RUNDC3B: variants seen among roughly 807,000 people sequenced by gnomAD.
RUNDC3B encodes RUN domain containing 3B.
Under a neutral mutation model 58.4 loss-of-function variants are expected in RUNDC3B, and 33 were observed. The ratio of observed to expected loss-of-function variants is 0.56; its 90% CI spans 0.43 to 0.75. The LOEUF (loss-of-function observed/expected upper bound fraction) is 0.75, where lower values mean the gene tolerates loss of function less well. Among genes scored for constraint, RUNDC3B ranks in the 30% least tolerant of loss-of-function variants. RUNDC3B has a pLI of 0.00. For synonymous variants in RUNDC3B, 193 were observed against 195.2 expected (o/e 0.99, Z 0.10); for missense variants, 501 against 535.7 (o/e 0.94, Z 0.64).
intron 8 of RUNDC3B, among the ~76,000 whole-genome samples, chr7:87,793,337 T>C (rs1835631216): frequency 6.6e-6 from 1 of 152,086 alleles, no homozygotes; most frequent in South Asian, 2.1e-4. Context: ...TCCAAATTCA[T>C]TCTGTGATAC....
rs1420409013 is a variant in RUNDC3B, at chr7:87,794,211, C to T, written c.957-13162C>T. Among the ~76,000 whole-genome samples, 14 of 152,166 alleles carry T rather than the reference C, an allele frequency of 9.2e-5. No homozygotes were observed. In the South Asian group the frequency reaches 2.1e-3, roughly 23 times the overall value. On this transcript the variant is annotated intron_variant, in intron 8 of 10. Transcript: ENST00000394654. ...CAGCACTTTGGGAGGCCGAGGTGGGCGGATCACAAGGTCAAGAGATCAAGA... is the reference window on the plus strand; with the variant it reads ...CAGCACTTTGGGAGGCCGAGGTGGGTGGATCACAAGGTCAAGAGATCAAGA...
Position 87,830,868 on chromosome 7 carries a change from T to C in RUNDC3B, c.*838T>C, listed in dbSNP as rs1040527706. The C allele has an allele frequency of 6.6e-5, 10 of 151,626 alleles. No individual in the cohort carries two copies. The East Asian group carries it at 1.7e-3, about 26-fold the overall frequency. 9.4% of individuals were successfully genotyped at this position (151,626 alleles called of 1,614,324 possible). A position where few individuals can be genotyped will look rare whatever the true frequency, so the allele number is the denominator to read the frequency against. On this transcript the variant is annotated 3_prime_UTR_variant, in exon 11 of 11. Transcript: ENST00000394654. ...AAAGAGTTCAAGTTCAGTTAAGGAT[T>C]TGAGAGGCTTTTAAACAAGGATCAG... is the stretch of plus-strand genomic sequence containing the variant.
At chr7:87,648,102 G>A (rs1032294060) in intron 1 of RUNDC3B, among the ~76,000 whole-genome samples, 2 of 150,700 alleles carry the variant, frequency 1.3e-5, no homozygotes, top group African/African-American at 4.9e-5. Flanking sequence ...GGAGAATGGC[G>A]TGAACCGGGG....
At position 87,752,138 on chromosome 7, in the gene RUNDC3B, G is replaced by A. The variant is rs1833044207; in HGVS notation, c.629+10559G>A. 6.6e-5 allele frequency among the ~76,000 whole-genome samples: 10 copies of A among 152,264 alleles called. 1 individual carries two copies. The South Asian group carries it at 2.1e-3, about 32-fold the overall frequency. On this transcript the variant is annotated intron_variant, in intron 6 of 10. Transcript: ENST00000394654. ...TCTGCATCTATTGAGATAATCATAT[G>A]GTTTTTGTCTTTGTTTCTGTTTATA...
At chr7:87,739,935 A>G in intron 5 of RUNDC3B, 55 bp downstream of exon 5, 1 of 813,348 alleles carries the variant, frequency 1.2e-6, no homozygotes, top group Non-Finnish European at 1.9e-6. Context: ...AATAGTTTCT[A>G]CTTATGATTT....
intron 10 of RUNDC3B, among the ~76,000 whole-genome samples, chr7:87,828,754 T>C (rs1837974434): frequency 6.6e-6 from 1 of 152,226 alleles, no homozygotes. Context: ...ATGGGATTGC[T>C]GGGTCGAATG....
intron 9 of RUNDC3B, among the ~76,000 whole-genome samples, chr7:87,807,834 G>T (rs1263935167): frequency 6.6e-6 from 1 of 151,944 alleles, no homozygotes; most frequent in Non-Finnish European, 1.5e-5. Context: ...TTTCCCACTT[G>T]TCATAAAACA....
intron 4 of RUNDC3B, among the ~76,000 whole-genome samples, chr7:87,723,837 A>G (rs1054783348): frequency 1.3e-5 from 2 of 152,212 alleles, no homozygotes; most frequent in Non-Finnish European, 2.9e-5. Flanking sequence ...ATATTTAAAA[A>G]AAAAGTGAAA....
intron 2 of RUNDC3B, among the ~76,000 whole-genome samples, chr7:87,687,343 T>C (rs1025303571): frequency 6.6e-6 from 1 of 151,996 alleles, no homozygotes; most frequent in African/African-American, 2.4e-5. Flanking sequence ...CCTCATCCAT[T>C]TGAAAACTAC....
At chr7:87,632,102 T>C (rs998584434) in intron 1 of RUNDC3B, among the ~76,000 whole-genome samples, 4 of 151,858 alleles carry the variant, frequency 2.6e-5, no homozygotes, top group Admixed American at 2.6e-4. Flanking sequence ...AATTGAACCA[T>C]TTACAAAACC....
chr7:87,784,427 CTGTTGTGTA>C (rs1835097310), intron 8 of RUNDC3B, among the ~76,000 whole-genome samples: 2 of 151,862 alleles, frequency 1.3e-5, no homozygotes, highest in South Asian at 4.2e-4. Context: ...GAGGGTTTGA[CTGTTGTGTA>C]TGTTGTGTAT....
At chr7:87,825,049 CACT>C (rs999968982) in intron 10 of RUNDC3B, among the ~76,000 whole-genome samples, 2 of 151,868 alleles carry the variant, frequency 1.3e-5, no homozygotes, top group African/African-American at 4.8e-5. Context: ...GAAACCCTGT[CACT>C]ACTAAAAATA....
chr7:87,748,565 A>G (rs547707217), intron 6 of RUNDC3B, among the ~76,000 whole-genome samples: 1 of 152,202 alleles, frequency 6.6e-6, no homozygotes, highest in Non-Finnish European at 1.5e-5. Context: ...GCTATAAGCT[A>G]TTCTGTATGT....
chr7:87,636,137 C>T (rs928199600), intron 1 of RUNDC3B, among the ~76,000 whole-genome samples: 13 of 152,138 alleles, frequency 8.5e-5, no homozygotes, highest in Admixed American at 3.3e-4. Context: ...TGCAGATATT[C>T]GGCTTCAGTA....
At chr7:87,690,352 T>C (rs1255219263) in intron 2 of RUNDC3B, among the ~76,000 whole-genome samples, 2 of 152,172 alleles carry the variant, frequency 1.3e-5, no homozygotes, top group Non-Finnish European at 2.9e-5. Flanking sequence ...TTCTTTAAAG[T>C]TATGACTTTT....
chr7:87,738,970 T>C (rs1033327681), intron 4 of RUNDC3B, among the ~76,000 whole-genome samples: 2 of 151,916 alleles, frequency 1.3e-5, no homozygotes, highest in Non-Finnish European at 2.9e-5. Flanking sequence ...CTCTCTTATA[T>C]GTAATATAAA....
intron 4 of RUNDC3B, among the ~76,000 whole-genome samples, chr7:87,728,834 A>T (rs1831401853): frequency 6.6e-6 from 1 of 152,182 alleles, no homozygotes; most frequent in South Asian, 2.1e-4. Context: ...TTCCAAGTTC[A>T]AATGTCACCC....
chr7:87,745,034 TG>T (rs1563180005), intron 6 of RUNDC3B, among the ~76,000 whole-genome samples: 1 of 152,208 alleles, frequency 6.6e-6, no homozygotes, highest in Non-Finnish European at 1.5e-5. Flanking sequence ...AGGGATGTGC[TG>T]GATTTTATTG....
In RUNDC3B at chr7:87,664,669, G is replaced by T. The variant is rs866639780; in HGVS notation, c.238+13732G>T. ...ATGGAGATGATAGAGGTGCGTATAT[G>T]AATTTCAAAGTAAATCAATAGAAAT... On this transcript the variant is annotated intron_variant, in intron 2 of 10. Coordinates refer to ENST00000394654, the MANE Select transcript of RUNDC3B (RefSeq NM_001134405.2). Among the ~76,000 whole-genome samples, 19 of 152,178 alleles carry T rather than the reference G, an allele frequency of 1.2e-4. No individual in the cohort carries two copies. The South Asian group carries it at 3.9e-3, about 32-fold the overall frequency.
Sources: allele counts gnomAD v4.1 joint callset (sites outside exome capture counted in the v4.1 genomes callset), GRCh38; gene constraint gnomAD v4.1.1; transcripts MANE v1.5; gene names NCBI Gene and HGNC (gene_info 2026-07-23, HGNC 2026-07-21).